CRNKL1: variants seen among roughly 807,000 people sequenced by gnomAD.
CRNKL1 encodes the protein crooked neck-like protein 1.
Under a neutral mutation model 103.7 loss-of-function variants are expected in CRNKL1, and 35 were observed. That is an observed-to-expected ratio of 0.34 (90% CI 0.26 to 0.45). The LOEUF is 0.45. Among genes scored for constraint, CRNKL1 ranks in the 20% least tolerant of loss-of-function variants. The pLI is 1.00. For synonymous variants in CRNKL1, 267 were observed against 282.6 expected (o/e 0.94, Z 0.55); for missense variants, 645 against 836.0 (o/e 0.77, Z 2.82).
rs1433674692 is a variant in CRNKL1 at position 20,039,851 on chromosome 20, G to A, written c.1306-3C>T. On this transcript the variant is annotated splice_region_variant and splice_polypyrimidine_tract_variant and intron_variant, in intron 10 of 13. Coordinates refer to ENST00000536226, the MANE Select transcript of CRNKL1 (RefSeq NM_001278628.2). Reference sequence around the variant, plus strand: ...GGACATTTGCCTATGGAAGTTCCCTGGAAAATAAAATAACCAGACCACTGT... The same window carrying A: ...GGACATTTGCCTATGGAAGTTCCCTAGAAAATAAAATAACCAGACCACTGT... 3.1e-6 allele frequency: 5 copies of A among 1,612,802 alleles called. No individual in the cohort carries two copies. Among genetic ancestry groups the A allele is most frequent in the Non-Finnish European group, 4.2e-6 (5 of 1,179,628 alleles).
At chr20:20,052,541 G>T (rs1252388121), upstream of CRNKL1, 2 of 1,614,066 alleles carry the variant, frequency 1.2e-6, no homozygotes, top group African/African-American at 2.7e-5. Context: ...CAGGCTGCGC[G>T]TCCTCCTTGC....
upstream of CRNKL1, chr20:20,055,987 A>G: frequency 6.2e-7 from 1 of 1,611,058 alleles, no homozygotes; most frequent in Non-Finnish European, 8.5e-7. Flanking sequence ...TCCTTCTGGA[A>G]CGTTAGGTTC....
chr20:20,042,022 A>C (rs2043522141), intron 8 of CRNKL1, among the ~76,000 whole-genome samples: 1 of 152,222 alleles, frequency 6.6e-6, no homozygotes, highest in African/African-American at 2.4e-5. Context: ...AAATCCAGGA[A>C]ACTATATTTC....
chr20:20,050,967 C>G (rs1163461546), intron 1 of CRNKL1, among the ~76,000 whole-genome samples: 1 of 152,186 alleles, frequency 6.6e-6, no homozygotes, highest in Non-Finnish European at 1.5e-5. Flanking sequence ...TGTAGCACAT[C>G]TTATTAACAG....
At chr20:20,041,924 TTAA>T (rs2043520584) in intron 8 of CRNKL1, among the ~76,000 whole-genome samples, 1 of 152,188 alleles carries the variant, frequency 6.6e-6, no homozygotes, top group South Asian at 2.1e-4. Context: ...ACCCAGAAGG[TTAA>T]TACAAATGAT....
chr20:20,040,755 G>T lies in CRNKL1; in HGVS notation c.1236C>A (p.Ala412=). ...ACTGTGCATACAGTATCCACATTTTGGCAAATGTGAACTAGAAAACAAAAG... is the reference window on the plus strand; with the variant it reads ...ACTGTGCATACAGTATCCACATTTTTGCAAATGTGAACTAGAAAACAAAAG... ...ELIPHKKFTF[A]KMWILYAQFE... The change falls in exon 10 of 14, where the codon GCC becomes GCA. Residue 412 remains alanine, a synonymous_variant. Transcript: ENST00000536226. The T allele has an allele frequency of 6.2e-7, 1 of 1,607,566 alleles. No homozygotes were observed. Among genetic ancestry groups the T allele is most frequent in the South Asian group, 1.1e-5 (1 of 89,426 alleles).
intron 1 of CRNKL1, among the ~76,000 whole-genome samples, chr20:20,051,216 A>G (rs1600257923): frequency 2.0e-5 from 3 of 152,240 alleles, no homozygotes; most frequent in South Asian, 2.1e-4. Context: ...GTAAGTGTAA[A>G]ATACACATTG....
Position 20,052,465 on chromosome 20 carries a change from CT to C in CRNKL1, c.-124del. ...CAGGATCTCGGAACCGGAAGCGGAA[CT>C]TGCAGGACTGACCTTTGACCTCTCG... On this transcript the variant is annotated 5_prime_UTR_variant, in exon 1 of 14. Transcript: ENST00000536226. 6.2e-7 allele frequency: 1 copy of C among 1,614,252 alleles called. No individual in the cohort carries two copies. Among genetic ancestry groups the C allele is most frequent in the Non-Finnish European group, 8.5e-7 (1 of 1,180,052 alleles).
At chr20:20,052,749 A>G (rs1449884859), upstream of CRNKL1, 2 of 1,570,130 alleles carry the variant, frequency 1.3e-6, no homozygotes, top group Admixed American at 3.7e-5. Context: ...ACGGAGCTCC[A>G]ATCTGGATGC....
chr20:20,038,612 A>G, intron 11 of CRNKL1, 162 bp from the exon 12 acceptor site: 3 of 490,086 alleles, frequency 6.1e-6, no homozygotes, highest in Non-Finnish European at 1.1e-5. Flanking sequence ...ATTGGTATCT[A>G]TAAGCTGGCC....
chr20:20,037,985 G>A lies in CRNKL1; in HGVS notation c.1647+364C>T, dbSNP rs913896147. ...GTCTCTAGTCCCAGCTACTCTGGAGGCTGAGGCAGGAGAATTGCTTGAACC... is the reference window on the plus strand; with the variant it reads ...GTCTCTAGTCCCAGCTACTCTGGAGACTGAGGCAGGAGAATTGCTTGAACC... On this transcript the variant is annotated intron_variant, in intron 12 of 13. Transcript: ENST00000536226. Among the ~76,000 whole-genome samples, 5 of 151,934 alleles carry A rather than the reference G, an allele frequency of 3.3e-5. No homozygotes were observed. The South Asian group carries it at 6.2e-4, about 19-fold the overall frequency.
Position 20,048,022 on chromosome 20 carries a change from G to T in CRNKL1, c.456-91C>A. On this transcript the variant is annotated intron_variant, in intron 4 of 13. Coordinates refer to ENST00000536226, the MANE Select transcript of CRNKL1 (RefSeq NM_001278628.2). ...ATTGAAGATTTTACCTTTCTTAAAGGTTAAATCAAACATGTTTTGTCATTT... is the reference window on the plus strand; with the variant it reads ...ATTGAAGATTTTACCTTTCTTAAAGTTTAAATCAAACATGTTTTGTCATTT... The T allele has an allele frequency of 6.5e-6, 9 of 1,375,594 alleles. No individual in the cohort carries two copies. In the South Asian group the frequency reaches 9.9e-5, roughly 15 times the overall value. The allele number at this position is 1,375,594 out of a possible 1,614,324, so 85.2% of individuals were successfully genotyped here.
chr20:20,040,447 G>A (rs974220914), intron 10 of CRNKL1, among the ~76,000 whole-genome samples: 9 of 152,170 alleles, frequency 5.9e-5, no homozygotes, highest in Non-Finnish European at 1.2e-4. Context: ...GTAACTGGTA[G>A]CTATAGAAGT....
rs2146491138 is a variant in CRNKL1, at chr20:20,042,444, C to T, written c.1045G>A (p.Val349Met). The change falls in exon 8 of 14, where the codon GTG becomes ATG. Residue 349 changes from valine to methionine, a missense_variant. Transcript: ENST00000536226. Reference protein sequence around the residue: ...LVESDAEAEAVREVYERAIAN... With the variant: ...LVESDAEAEAMREVYERAIAN... Reference sequence around the variant, plus strand: ...ATGGCCCTTTCATAGACTTCTCTCACGGCTTCAGCTTCTGCGTCACTTTCT... The same window carrying T: ...ATGGCCCTTTCATAGACTTCTCTCATGGCTTCAGCTTCTGCGTCACTTTCT... 4.3e-6 allele frequency: 7 copies of T among 1,614,160 alleles called. No homozygotes were observed. Among genetic ancestry groups the T allele is most frequent in the African/African-American group, 2.7e-5 (2 of 75,044 alleles).
chr20:20,048,810 G>A (rs1232855294), intron 3 of CRNKL1, among the ~76,000 whole-genome samples: 1 of 152,102 alleles, frequency 6.6e-6, no homozygotes, highest in Non-Finnish European at 1.5e-5. Flanking sequence ...GAGAACTTGA[G>A]GAACGTTCCG....
At chr20:20,043,241 T>C (rs1222054523) in intron 7 of CRNKL1, among the ~76,000 whole-genome samples, 2 of 152,206 alleles carry the variant, frequency 1.3e-5, no homozygotes, top group African/African-American at 4.8e-5. Context: ...CAGTTCTACA[T>C]ACAGTCAACA....
upstream of CRNKL1, among the ~76,000 whole-genome samples, chr20:20,054,909 A>G (rs889923439): frequency 2.0e-5 from 3 of 152,174 alleles, no homozygotes; most frequent in African/African-American, 7.2e-5. Flanking sequence ...GCTAAAAGTA[A>G]TTAGCCATTA....
At chr20:20,036,391 C>G in intron 13 of CRNKL1, 29 bp from the exon 14 acceptor site, 1 of 1,608,504 alleles carries the variant, frequency 6.2e-7, no homozygotes, top group Non-Finnish European at 8.5e-7. Context: ...AAAAGATAAG[C>G]AAACGTGGGT....
intron 3 of CRNKL1, 98 bp from the exon 4 acceptor site, chr20:20,048,599 G>A: frequency 1.6e-6 from 2 of 1,260,960 alleles, no homozygotes; most frequent in Non-Finnish European, 2.2e-6. Context: ...TTTATTAGGT[G>A]TCTACCATGA....
Sources: gnomAD v4.1 joint callset for allele counts (sites outside exome capture counted in the v4.1 genomes callset) on GRCh38, gnomAD v4.1.1 for gene constraint, MANE v1.5 for transcripts, NCBI Gene and HGNC (gene_info 2026-07-23, HGNC 2026-07-21) for gene names.